The following SGCZ variants were observed in gnomAD, a reference collection of about 807,000 sequenced individuals.
SGCZ encodes sarcoglycan zeta, also known as zeta-sarcoglycan.
In SGCZ, 40 loss-of-function variants were observed where a neutral mutation model predicts 41.3. That is an observed-to-expected ratio of 0.97 (90% CI 0.75 to 1.26). The LOEUF (loss-of-function observed/expected upper bound fraction) is 1.26, where lower values mean the gene tolerates loss of function less well. SGCZ is among the 50% of genes most tolerant of loss of function. SGCZ has a pLI of 0.00. For synonymous variants in SGCZ, 206 were observed against 137.5 expected (o/e 1.50, Z -3.49); for missense variants, 552 against 369.8 (o/e 1.49, Z -4.04).
chr8:14,710,617 T>C (rs1809485748), intron 1 of SGCZ, among the ~76,000 whole-genome samples: 1 of 152,058 alleles, frequency 6.6e-6, no homozygotes, highest in Non-Finnish European at 1.5e-5. Context: ...TGTGTATTTA[T>C]TGTTTACGAA....
chr8:14,702,602 C>T (rs1041767674), intron 1 of SGCZ, among the ~76,000 whole-genome samples: 1 of 151,852 alleles, frequency 6.6e-6, no homozygotes, highest in East Asian at 1.9e-4. Context: ...ACCAACCCTC[C>T]CTTCAGTGTT....
intron 1 of SGCZ, among the ~76,000 whole-genome samples, chr8:14,875,422 T>A (rs1804316440): frequency 6.6e-6 from 1 of 152,222 alleles, no homozygotes; most frequent in East Asian, 1.9e-4. Context: ...ATTCAAACCA[T>A]AGCAGAAGGA....
chr8:14,571,365 C>T (rs1362391311), intron 1 of SGCZ, among the ~76,000 whole-genome samples: 1 of 152,156 alleles, frequency 6.6e-6, no homozygotes. Flanking sequence ...AATGTATTTG[C>T]ATTAATGTTG....
At chr8:14,757,626 C>T (rs891231178) in intron 1 of SGCZ, among the ~76,000 whole-genome samples, 5 of 151,968 alleles carry the variant, frequency 3.3e-5, no homozygotes, top group Non-Finnish European at 5.9e-5. Context: ...TTCTGAGTAC[C>T]GGGTAGCATG....
At chr8:14,631,848 A>C (rs957995662) in intron 1 of SGCZ, among the ~76,000 whole-genome samples, 9 of 152,058 alleles carry the variant, frequency 5.9e-5, no homozygotes, top group Non-Finnish European at 1.0e-4. Flanking sequence ...TATTTTAAAA[A>C]GAAACAACTT....
At chr8:15,110,607 G>T (rs747227360) in intron 1 of SGCZ, among the ~76,000 whole-genome samples, 1 of 152,186 alleles carries the variant, frequency 6.6e-6, no homozygotes. Context: ...GCTCAAGTTT[G>T]CTGCCTCCTT....
chr8:15,081,886 A>G (rs2131046236), intron 1 of SGCZ, among the ~76,000 whole-genome samples: 1 of 152,366 alleles, frequency 6.6e-6, no homozygotes, highest in African/African-American at 2.4e-5. Flanking sequence ...AAAGAAAACC[A>G]AAGTTGAACG....
chr8:15,190,972 T>C (rs1261683591), intron 1 of SGCZ, among the ~76,000 whole-genome samples: 2 of 152,044 alleles, frequency 1.3e-5, no homozygotes, highest in African/African-American at 4.8e-5. Context: ...TGGATTCAGG[T>C]GTCCAATGAC....
At chr8:14,982,898 T>C (rs561991015) in intron 1 of SGCZ, among the ~76,000 whole-genome samples, 2 of 152,324 alleles carry the variant, frequency 1.3e-5, no homozygotes, top group South Asian at 4.1e-4. Context: ...CTATGTGCCA[T>C]TTTGCTATAT....
chr8:14,528,656 T>C (rs1003533784), intron 2 of SGCZ, among the ~76,000 whole-genome samples: 1 of 151,910 alleles, frequency 6.6e-6, no homozygotes, highest in Non-Finnish European at 1.5e-5. Flanking sequence ...TCAACTTCCA[T>C]TAATCACTTA....
intron 1 of SGCZ, among the ~76,000 whole-genome samples, chr8:14,555,227 G>A (rs1450006216): frequency 1.3e-5 from 2 of 151,968 alleles, no homozygotes; most frequent in South Asian, 2.1e-4. Flanking sequence ...TCTACCTCCA[G>A]TTACCGGTAA....
At position 14,251,090 on chromosome 8, in the gene SGCZ, C is replaced by T. The variant is rs10093968; in HGVS notation, c.337-13411G>A. On this transcript the variant is annotated intron_variant, in intron 3 of 7. Coordinates refer to ENST00000382080, the MANE Select transcript of SGCZ (RefSeq NM_139167.4). ...TTAAAGTACAAAAATTAGCCGGGTG[C>T]AGTGGTACGCACCTTTAATCCCAGC... 2.9e-3 allele frequency among the ~76,000 whole-genome samples: 441 copies of T among 152,096 alleles called. 3 individuals are homozygous for T. The highest frequency in any genetic ancestry group is 1.0e-2 in the African/African-American group (414 of 41,494).
chr8:14,278,515 C>T (rs1482710645), intron 3 of SGCZ, among the ~76,000 whole-genome samples: 4 of 152,030 alleles, frequency 2.6e-5, no homozygotes, highest in Non-Finnish European at 5.9e-5. Context: ...TTAGGATTAT[C>T]CTGCCCAACT....
At chr8:14,883,503 C>A (rs1194889352) in intron 1 of SGCZ, among the ~76,000 whole-genome samples, 6 of 152,066 alleles carry the variant, frequency 3.9e-5, no homozygotes, top group African/African-American at 1.4e-4. Flanking sequence ...AGTTACTGAT[C>A]CAATCCTTAT....
chr8:14,747,426 G>A (rs977437741), intron 1 of SGCZ, among the ~76,000 whole-genome samples: 3 of 152,032 alleles, frequency 2.0e-5, no homozygotes, highest in Non-Finnish European at 2.9e-5. Flanking sequence ...CAAAACCAAC[G>A]TCCAGAGAGA....
intron 1 of SGCZ, among the ~76,000 whole-genome samples, chr8:14,862,545 T>G (rs1286762353): frequency 3.5e-4 from 32 of 90,962 alleles, no homozygotes; most frequent in Admixed American, 6.8e-4. Flanking sequence ...GATATATATA[T>G]ATATATATAT....
chr8:14,355,896 T>C (rs1224166068), intron 2 of SGCZ, among the ~76,000 whole-genome samples: 3 of 152,162 alleles, frequency 2.0e-5, no homozygotes, highest in African/African-American at 4.8e-5. Flanking sequence ...TAGATAATTG[T>C]ATATTGATGT....
chr8:14,484,331 A>G (rs1346472738), intron 2 of SGCZ, among the ~76,000 whole-genome samples: 1 of 152,198 alleles, frequency 6.6e-6, no homozygotes, highest in African/African-American at 2.4e-5. Flanking sequence ...CTAAGTGCAA[A>G]CGATGCAAGT....
At chr8:14,172,971 G>A (rs1804432292) in intron 4 of SGCZ, among the ~76,000 whole-genome samples, 1 of 152,136 alleles carries the variant, frequency 6.6e-6, no homozygotes, top group South Asian at 2.1e-4. Flanking sequence ...AATTCTAGAT[G>A]TTGGGCTTCC....
Sources: gnomAD v4.1 joint callset for allele counts (sites outside exome capture counted in the v4.1 genomes callset) on GRCh38, gnomAD v4.1.1 for gene constraint, MANE v1.5 for transcripts, NCBI Gene and HGNC (gene_info 2026-07-23, HGNC 2026-07-21) for gene names.